The following NCOR1 variants were observed in gnomAD, a reference collection of about 807,000 sequenced individuals.
The protein encoded by NCOR1 is nuclear receptor corepressor 1.
NCOR1 carries 63 observed loss-of-function variants against 288.1 expected under a neutral mutation model. The observed-to-expected ratio is 0.22, with a 90% CI of 0.18 to 0.27. The LOEUF is 0.27. Ranked by LOEUF, NCOR1 falls within the 10% of genes least tolerant of loss-of-function variation. NCOR1 has a pLI of 1.00. For synonymous variants in NCOR1, 1,007 were observed against 1,065.9 expected (o/e 0.94, Z 1.08); for missense variants, 2,397 against 3,019.2 (o/e 0.79, Z 4.83).
Position 16,065,490 on chromosome 17 carries a change from G to C in NCOR1, c.4946C>G (p.Thr1649Arg). The C allele has an allele frequency of 3.7e-6, 6 of 1,614,088 alleles. No individual in the cohort carries two copies. The highest frequency in any genetic ancestry group is 5.1e-6 in the Non-Finnish European group (6 of 1,180,008). ...TGAAATGCAAAGACACACACCTCTC[G>C]TTGCTGGGTATGGGAGACCCAGTGG... ...EQPLGLPYPA[T>R]RGIIDLTNMP... is the part of the protein sequence containing the mutation. The change falls in exon 33 of 46, where the codon ACG becomes AGG. Residue 1649 changes from threonine to arginine, a missense_variant. Physicochemically the swap from Thr to Arg is moderately conservative, Grantham distance 71. Transcript: ENST00000268712.
chr17:16,148,354 T>C (rs2078310115), intron 9 of NCOR1, among the ~76,000 whole-genome samples: 1 of 152,140 alleles, frequency 6.6e-6, no homozygotes, highest in Non-Finnish European at 1.5e-5. Context: ...TTAGGTGTCC[T>C]CCTCAGTCAT....
At chr17:16,107,507 C>A (rs774101312) in intron 19 of NCOR1, among the ~76,000 whole-genome samples, 26 of 152,286 alleles carry the variant, frequency 1.7e-4, no homozygotes, top group South Asian at 1.5e-3. Flanking sequence ...TGTGCCAGCA[C>A]CTTGACCTTG....
intron 2 of NCOR1, among the ~76,000 whole-genome samples, chr17:16,190,692 A>G (rs2088045898): frequency 1.3e-5 from 2 of 152,172 alleles, no homozygotes; most frequent in Admixed American, 1.3e-4. Context: ...AAAAATTAAG[A>G]GTAAGGAGTG....
chr17:16,058,194 T>A, intron 38 of NCOR1, 130 bp from the exon 39 acceptor site: 1 of 1,101,370 alleles, frequency 9.1e-7, no homozygotes, highest in Non-Finnish European at 1.3e-6. Flanking sequence ...GAACTTATCT[T>A]AATTTTGGAG....
intron 44 of NCOR1, among the ~76,000 whole-genome samples, chr17:16,037,592 A>G (rs1019538977): frequency 1.3e-5 from 2 of 152,202 alleles, no homozygotes; most frequent in African/African-American, 4.8e-5. Context: ...AGAAACTACT[A>G]AAGAAAGAAG....
intron 27 of NCOR1, among the ~76,000 whole-genome samples, chr17:16,074,829 T>C (rs1210576491): frequency 1.3e-5 from 2 of 152,198 alleles, no homozygotes; most frequent in African/African-American, 4.8e-5. Context: ...GAGTATTTAA[T>C]ATTATCAAGA....
chr17:16,035,564 T>C (rs1235319464), intron 44 of NCOR1, among the ~76,000 whole-genome samples: 3 of 142,824 alleles, frequency 2.1e-5, no homozygotes, highest in Non-Finnish European at 4.6e-5. Context: ...AGGCAGGGTC[T>C]CACCTCTGCT....
chr17:16,035,476 T>C (rs1175599568), intron 44 of NCOR1, among the ~76,000 whole-genome samples: 3 of 151,838 alleles, frequency 2.0e-5, no homozygotes, highest in Non-Finnish European at 4.4e-5. Flanking sequence ...AGTTTGATCA[T>C]GAGATTGCAG....
At chr17:16,058,223 TGAA>T in intron 38 of NCOR1, 159 bp from the exon 39 acceptor site, 1 of 937,296 alleles carries the variant, frequency 1.1e-6, no homozygotes, top group Non-Finnish European at 1.5e-6. Flanking sequence ...AATTATTCAC[TGAA>T]GAAGTCTGAG....
chr17:16,176,471 G>C (rs2084215264), intron 3 of NCOR1, among the ~76,000 whole-genome samples: 2 of 152,082 alleles, frequency 1.3e-5, no homozygotes, highest in Admixed American at 6.5e-5. Context: ...GTTTCGCCAT[G>C]TTGGCCAGGC....
intron 10 of NCOR1, among the ~76,000 whole-genome samples, chr17:16,146,173 T>A: frequency 6.6e-6 from 1 of 151,940 alleles, no homozygotes; most frequent in Admixed American, 6.6e-5. Flanking sequence ...GGCCGCAGGG[T>A]CCTCTGCCTA....
rs531743770 is a variant in NCOR1 at position 16,031,025 on chromosome 17, T to C, written c.*1271A>G. 1.0e-5 allele frequency: 2 copies of C among 195,900 alleles called. No individual in the cohort carries two copies. Among genetic ancestry groups the C allele is most frequent in the African/African-American group, 2.3e-5 (1 of 43,284 alleles). The allele number at this position is 195,900 out of a possible 1,614,324, so 12.1% of individuals were successfully genotyped here. ...AAAGATACTTAAATGCTATGATAAA[T>C]TGTATGAAAAAAACTTTAAAATTCA... On this transcript the variant is annotated 3_prime_UTR_variant, in exon 46 of 46. Transcript: ENST00000268712.
rs2065507653 is a variant in NCOR1, at chr17:16,092,678, TATATATATA to T, written c.2821-629_2821-621del. ...ATATATATATATATATATATATATA[TATATATATA>T]TATATATATTTTTTTTTTTTTTTTT... is the stretch of plus-strand genomic sequence containing the variant. On this transcript the variant is annotated intron_variant, in intron 21 of 45. Coordinates refer to ENST00000268712, the MANE Select transcript of NCOR1 (RefSeq NM_006311.4). 1.4e-3 allele frequency among the ~76,000 whole-genome samples: 36 copies of T among 24,998 alleles called. 1 individual carries two copies. The highest frequency in any genetic ancestry group is 5.1e-3 in the African/African-American group (22 of 4,332). The allele number at this position is 24,998 out of a possible 152,430, so 16.4% of individuals were successfully genotyped here.
chr17:16,078,976 C>T (rs1188606884), intron 26 of NCOR1, among the ~76,000 whole-genome samples: 1 of 152,118 alleles, frequency 6.6e-6, no homozygotes, highest in Admixed American at 6.5e-5. Flanking sequence ...AAAGAAATCA[C>T]CTGGGAACCT....
chr17:16,070,109 T>TG (rs2061574990), intron 31 of NCOR1, 56 bp downstream of exon 31: 4 of 1,517,770 alleles, frequency 2.6e-6, no homozygotes, highest in African/African-American at 1.4e-5. Context: ...AAAGGTTTTT[T>TG]TTTTTTTTTT....
intron 10 of NCOR1, 93 bp from the exon 11 acceptor site, chr17:16,143,789 C>G: frequency 2.2e-6 from 2 of 890,108 alleles, no homozygotes; most frequent in Admixed American, 5.4e-5. Context: ...CTGAATGGAA[C>G]TTTTTAACCA....
At chr17:16,180,698 T>A (rs561649885) in intron 3 of NCOR1, among the ~76,000 whole-genome samples, 19 of 151,750 alleles carry the variant, frequency 1.3e-4, no homozygotes, top group African/African-American at 4.6e-4. Context: ...CAGTGAGCCA[T>A]GATCATGCCA....
At chr17:16,080,115 A>T (rs1416683563) in intron 25 of NCOR1, 51 bp from the exon 26 acceptor site, 1 of 1,432,812 alleles carries the variant, frequency 7.0e-7, no homozygotes, top group South Asian at 1.1e-5. Flanking sequence ...CCCTGCCCCA[A>T]AACATAAAAA....
Position 16,200,352 on chromosome 17 carries a change from C to T in NCOR1, c.-70-5713G>A, listed in dbSNP as rs1047780005. ...ACACACCCACAAAAAAAAAAATTAG[C>T]CGGACATGGTGGTGCACACCTATAG... On this transcript the variant is annotated intron_variant, in intron 1 of 45. Coordinates refer to ENST00000268712, the MANE Select transcript of NCOR1 (RefSeq NM_006311.4). Among the ~76,000 whole-genome samples, 10 of 152,048 alleles carry T rather than the reference C, an allele frequency of 6.6e-5. 1 individual carries two copies. In the South Asian group the frequency reaches 1.7e-3, roughly 25 times the overall value.
Sources: allele counts gnomAD v4.1 joint callset (sites outside exome capture counted in the v4.1 genomes callset), GRCh38; gene constraint gnomAD v4.1.1; transcripts MANE v1.5; gene names NCBI Gene and HGNC (gene_info 2026-07-23, HGNC 2026-07-21).